DMD: variants seen among roughly 807,000 people sequenced by gnomAD.
The protein encoded by DMD is mutant dystrophin.
DMD carries 63 observed loss-of-function variants against 330.1 expected under a neutral mutation model. The ratio of observed to expected loss-of-function variants is 0.19; its 90% CI spans 0.16 to 0.24. DMD has a LOEUF of 0.24. Among genes scored for constraint, DMD ranks in the 10% least tolerant of loss-of-function variants. DMD has a pLI of 1.00. For synonymous variants in DMD, 1,223 were observed against 959.8 expected (o/e 1.27, Z -5.07); for missense variants, 3,344 against 2,684.1 (o/e 1.25, Z -5.43).
At chrX:32,812,913 C>A (rs1319947187) in intron 6 of DMD, among the ~76,000 whole-genome samples, 2 of 111,147 alleles carry the variant, frequency 1.8e-5, no homozygotes, top group East Asian at 5.6e-4. Context: ...TTTCTGTAGG[C>A]AATGGGAGTA....
At chrX:32,418,974 A>C (rs904695649) in intron 29 of DMD, among the ~76,000 whole-genome samples, 1 of 94,429 alleles carries the variant, frequency 1.1e-5, no homozygotes, top group Non-Finnish European at 2.1e-5. Context: ...CTCTGTCTCA[A>C]AAAAAAAAAA....
At chrX:32,792,682 A>T (rs187084115) in intron 7 of DMD, among the ~76,000 whole-genome samples, 2 of 112,506 alleles carry the variant, frequency 1.8e-5, no homozygotes, top group South Asian at 7.3e-4. Flanking sequence ...CTTACATAAA[A>T]CAGACTTTCA....
intron 1 of DMD, among the ~76,000 whole-genome samples, chrX:33,243,816 A>C (rs189841372): frequency 1.6e-3 from 183 of 111,766 alleles, no homozygotes; most frequent in African/African-American, 5.6e-3. Context: ...TCTCACTTAC[A>C]TGTGGGAGCA....
chrX:32,726,231 T>C (rs1856910437), intron 7 of DMD, among the ~76,000 whole-genome samples: 1 of 111,510 alleles, frequency 9.0e-6, no homozygotes, highest in East Asian at 2.8e-4. Flanking sequence ...TTGATCATAT[T>C]ATTAGTTCGA....
chrX:32,667,185 A>G (rs912341065), intron 9 of DMD, among the ~76,000 whole-genome samples: 2 of 111,615 alleles, frequency 1.8e-5, no homozygotes, highest in African/African-American at 6.5e-5. Context: ...AATGAGCTCT[A>G]GAACTCCTCA....
chrX:33,246,104 G>C (rs987947558), intron 1 of DMD, among the ~76,000 whole-genome samples: 1 of 112,058 alleles, frequency 8.9e-6, no homozygotes, highest in African/African-American at 3.2e-5. Context: ...TTTTAAATAC[G>C]TACATTACAT....
chrX:32,725,485 G>C (rs946037902), intron 7 of DMD, among the ~76,000 whole-genome samples: 3 of 110,878 alleles, frequency 2.7e-5, no homozygotes, highest in African/African-American at 9.8e-5. Flanking sequence ...AACAGCAGGA[G>C]TGGCTGTACT....
At chrX:32,959,269 C>T (rs1421322652) in intron 2 of DMD, among the ~76,000 whole-genome samples, 9 of 111,142 alleles carry the variant, frequency 8.1e-5, no homozygotes, top group Non-Finnish European at 1.3e-4. Context: ...GCATTCAGTG[C>T]GCAAAGTACA....
At chrX:32,758,543 C>G (rs1387796933) in intron 7 of DMD, among the ~76,000 whole-genome samples, 1 of 111,385 alleles carries the variant, frequency 9.0e-6, no homozygotes, top group Non-Finnish European at 1.9e-5. Context: ...CAGCACAGCA[C>G]TTGATCCATT....
At position 31,395,688 on chromosome X, in the gene DMD, C is replaced by T. The variant is rs745607734; in HGVS notation, c.9085-47054G>A. On this transcript the variant is annotated intron_variant, in intron 60 of 78. Coordinates refer to ENST00000357033, the MANE Select transcript of DMD (RefSeq NM_004006.3). ...TGAAATAATGGTGGCTGCTATATTG[C>T]ATGAGGAAAAGTCAATAAAAAATAT... Among the ~76,000 whole-genome samples, 6 of 111,981 alleles carry T rather than the reference C, an allele frequency of 5.4e-5. 1 individual carries two copies. In the South Asian group the frequency reaches 2.3e-3, roughly 42 times the overall value.
intron 1 of DMD, among the ~76,000 whole-genome samples, chrX:33,300,435 C>G (rs746889132): frequency 8.9e-6 from 1 of 112,205 alleles, no homozygotes; most frequent in Non-Finnish European, 1.9e-5. Flanking sequence ...TCCTATCTTG[C>G]TGATGAGGAA....
At position 32,946,652 on chromosome X, in the gene DMD, T is replaced by C. The variant is rs143605898; in HGVS notation, c.93+73487A>G. ...AAACAGATATATCAAATTAATCATA[T>C]TCAATGATGTGTTGTTGCAAACATA... is the stretch of plus-strand genomic sequence containing the variant. On this transcript the variant is annotated intron_variant, in intron 2 of 78. Transcript: ENST00000357033. 4.6e-3 allele frequency among the ~76,000 whole-genome samples: 514 copies of C among 112,534 alleles called. 1 individual carries two copies. Among genetic ancestry groups the C allele is most frequent in the African/African-American group, 0.015 (480 of 31,054 alleles).
intron 2 of DMD, among the ~76,000 whole-genome samples, chrX:32,887,764 A>AC (rs1337718705): frequency 2.0e-5 from 2 of 101,391 alleles, no homozygotes; most frequent in African/African-American, 7.3e-5. Context: ...AAAAAAAAAA[A>AC]AAAAAAAAAA....
intron 27 of DMD, among the ~76,000 whole-genome samples, chrX:32,445,553 G>A (rs991448711): frequency 4.5e-5 from 5 of 110,077 alleles, no homozygotes; most frequent in African/African-American, 6.6e-5. Context: ...TTAAATTAGA[G>A]TACATTTTAA....
intron 74 of DMD, among the ~76,000 whole-genome samples, chrX:31,151,033 C>A (rs1009941377): frequency 1.8e-5 from 2 of 111,846 alleles, no homozygotes; most frequent in African/African-American, 3.2e-5. Flanking sequence ...TAGTTTATTT[C>A]ATAGCAATCT....
chrX:32,695,012 A>G (rs969038755), intron 9 of DMD, among the ~76,000 whole-genome samples: 11 of 112,148 alleles, frequency 9.8e-5, no homozygotes, highest in Non-Finnish European at 2.1e-4. Context: ...GCAGGAGGAT[A>G]ATAAAATTAG....
At chrX:32,975,346 CTTT>C (rs35180404) in intron 2 of DMD, among the ~76,000 whole-genome samples, 2,709 of 64,602 alleles carry the variant, frequency 0.042, 39 homozygotes, top group East Asian at 0.14. Context: ...TTAAAAAATG[CTTT>C]TTTTTTTTTT....
chrX:31,714,220 G>A (rs981249439), intron 52 of DMD, among the ~76,000 whole-genome samples: 4 of 111,238 alleles, frequency 3.6e-5, no homozygotes, highest in Non-Finnish European at 7.6e-5. Flanking sequence ...CTATCCTTAA[G>A]TTGCTCACAA....
chrX:31,805,079 C>T (rs1476421919), intron 50 of DMD, among the ~76,000 whole-genome samples: 1 of 111,336 alleles, frequency 9.0e-6, no homozygotes, highest in Non-Finnish European at 1.9e-5. Flanking sequence ...AATTATTTGT[C>T]AGATTAGTAT....
Sources: gnomAD v4.1 joint callset for allele counts (sites outside exome capture counted in the v4.1 genomes callset) on GRCh38, gnomAD v4.1.1 for gene constraint, MANE v1.5 for transcripts, NCBI Gene and HGNC (gene_info 2026-07-23, HGNC 2026-07-21) for gene names.